GIT2: variants seen among roughly 807,000 people sequenced by gnomAD.
GIT2 encodes the protein ARF GTPase-activating protein GIT2.
In GIT2, 32 loss-of-function variants were observed where a neutral mutation model predicts 100.3. That is an observed-to-expected ratio of 0.32 (90% CI 0.24 to 0.43). The LOEUF (loss-of-function observed/expected upper bound fraction) is 0.43. Ranked by LOEUF, GIT2 falls within the 20% of genes least tolerant of loss-of-function variation. The pLI is 1.00. For missense variants in GIT2, 737 were observed against 975.1 expected, an observed-to-expected ratio of 0.76 and a Z score of 3.25; for synonymous variants, 353 against 364.1, an observed-to-expected ratio of 0.97 and a Z score of 0.35.
chr12:109,964,151 GAGTA>G (rs1881717191), intron 9 of GIT2, among the ~76,000 whole-genome samples: 1 of 152,114 alleles, frequency 6.6e-6, no homozygotes, highest in Non-Finnish European at 1.5e-5. Flanking sequence ...TACAGATTGT[GAGTA>G]ATTAAAAGGA....
At chr12:109,980,249 G>A (rs1315403799) in intron 7 of GIT2, among the ~76,000 whole-genome samples, 1 of 152,004 alleles carries the variant, frequency 6.6e-6, no homozygotes, top group African/African-American at 2.4e-5. Flanking sequence ...AAACTTTTTT[G>A]TGGAGACGGA....
At chr12:109,936,286 C>A (rs1872953155) in intron 18 of GIT2, among the ~76,000 whole-genome samples, 1 of 147,798 alleles carries the variant, frequency 6.8e-6, no homozygotes. Flanking sequence ...GAAATCAGAT[C>A]ATTATATGTG....
chr12:109,947,217 C>A lies in GIT2; in HGVS notation c.1641+39G>T. The A allele has an allele frequency of 6.3e-7, 1 of 1,588,784 alleles. No individual in the cohort carries two copies. ...AAGAGGGAACAGAGTAGACAGGCTG[C>A]ATAGAGTGAACAGCAGAAGCGCCAG... is the stretch of plus-strand genomic sequence containing the variant. On this transcript the variant is annotated intron_variant, in intron 15 of 19. Coordinates refer to ENST00000355312, the MANE Select transcript of GIT2 (RefSeq NM_057169.5). The surrounding 1 kb of genome is among the most constrained non-coding windows in gnomAD (Gnocchi z 4.3).
chr12:109,945,264 C>T lies in GIT2; in HGVS notation c.1727G>A (p.Arg576Gln), dbSNP rs763696895. ...ACCATTCAGAATGTACTTAACCCTT[C>T]GGGCGCTTTCGTCCCTCGACCAGGA... Reference protein sequence around the residue: ...TLSWSRDESARRASRLEKQNS... With the variant: ...TLSWSRDESAQRASRLEKQNS... Residue 576 changes from arginine (R) to glutamine (Q), a missense_variant, in exon 16 of 20, where the codon CGA becomes CAA. Arg to Gln is a conservative substitution (Grantham distance 43, BLOSUM62 1). This residue lies in a region of GIT2 where 451 missense variants were observed against 543.7 expected (regional missense o/e 0.83). Transcript: ENST00000355312. 8.0e-6 allele frequency: 12 copies of T among 1,506,758 alleles called. No homozygotes were observed. The South Asian group carries it at 9.0e-5, about 11-fold the overall frequency. 93.3% of individuals were successfully genotyped at this position (1,506,758 alleles called of 1,614,324 possible).
rs912237725 is a variant in GIT2 at position 109,947,263 on chromosome 12, G to C, written c.1634C>G (p.Pro545Arg). 6.2e-7 allele frequency: 1 copy of C among 1,613,068 alleles called. No homozygotes were observed. Among genetic ancestry groups the C allele is most frequent in the African/African-American group, 1.3e-5 (1 of 75,022 alleles). ...EESRMRLQPF[P>R]AHIGRSALVT... is the part of the protein sequence containing the mutation. ...GCCAGTGGTGTTACTTACGTGCGCGGGGAAGGGCTGGAGTCTCATCCTGCT... is the reference window on the plus strand; with the variant it reads ...GCCAGTGGTGTTACTTACGTGCGCGCGGAAGGGCTGGAGTCTCATCCTGCT... Residue 545 changes from proline (P) to arginine (R), a missense_variant, in exon 15 of 20, where the codon CCC becomes CGC. Physicochemically the swap from Pro to Arg is moderately radical, Grantham distance 103. Coordinates refer to ENST00000355312, the MANE Select transcript of GIT2 (RefSeq NM_057169.5). This position sits in a 1 kb window ranked among gnomAD's most constrained non-coding sequence, Gnocchi z 4.3.
chr12:109,933,813 C>G lies in GIT2; in HGVS notation c.2067+209G>C, dbSNP rs1466067364. On this transcript the variant is annotated intron_variant, in intron 19 of 19. Transcript: ENST00000355312. The surrounding 1 kb of genome is among the most constrained non-coding windows in gnomAD (Gnocchi z 4.5). ...ACAGGGTCTCTCCATGTTGGTCAGG[C>G]TGGCCTCGAACTCCCGACCTCAGGT... is the stretch of plus-strand genomic sequence containing the variant. 1 of 522,168 alleles carries G rather than the reference C, an allele frequency of 1.9e-6. No individual in the cohort carries two copies. The highest frequency in any genetic ancestry group is 3.5e-6 in the Non-Finnish European group (1 of 286,288). The allele number at this position is 522,168 out of a possible 1,614,324, so 32.3% of individuals were successfully genotyped here.
Position 109,967,453 on chromosome 12 carries a change from CT to C in GIT2, c.764+4del. ...CAAAACTAACTGGTATTTCAATGAG[CT>C]TACCTGTCTGCCATTTGAGGTATTA... On this transcript the variant is annotated splice_donor_region_variant and intron_variant, in intron 8 of 19. Transcript: ENST00000355312. 1 of 1,585,408 alleles carries C rather than the reference CT, an allele frequency of 6.3e-7. No individual in the cohort carries two copies. Among genetic ancestry groups the C allele is most frequent in the Non-Finnish European group, 8.7e-7 (1 of 1,154,070 alleles).
At chr12:109,977,870 A>G (rs1034335768) in intron 7 of GIT2, among the ~76,000 whole-genome samples, 1 of 152,180 alleles carries the variant, frequency 6.6e-6, no homozygotes, top group Middle Eastern at 3.4e-3. Flanking sequence ...ATGGTTTCTG[A>G]TAAGAAATCC....
At position 109,933,171 on chromosome 12, in the gene GIT2, A is replaced by C; in HGVS notation, c.2087T>G (p.Val696Gly). 6.4e-7 allele frequency: 1 copy of C among 1,559,700 alleles called. No homozygotes were observed. Among genetic ancestry groups the C allele is most frequent in the Non-Finnish European group, 8.7e-7 (1 of 1,149,234 alleles). Residue 696 changes from valine to glycine, a missense_variant, in exon 20 of 20, where the codon GTG becomes GGG. Transcript: ENST00000355312. The surrounding 1 kb of genome is among the most constrained non-coding windows in gnomAD (Gnocchi z 4.5). ...LFPKKPKSDM[V>G]RTSLRLLTSS... ...CGTCAGTAAACGAAGGGAAGTCCTC[A>C]CCATATCAGACTTGGGTTTCTAAAA...
chr12:109,939,015 T>C (rs916146920), intron 17 of GIT2, 150 bp downstream of exon 17: 13 of 636,110 alleles, frequency 2.0e-5, no homozygotes, highest in Non-Finnish European at 3.1e-5. Flanking sequence ...ACATGTAAAC[T>C]ACGAGCGTAT....
intron 4 of GIT2, 56 bp downstream of exon 4, chr12:109,988,906 TA>T: frequency 3.0e-6 from 2 of 662,574 alleles, no homozygotes; most frequent in Non-Finnish European, 4.7e-6. Context: ...TTTTTTCAAA[TA>T]AAACAATATG....
At chr12:109,958,248 A>G (rs751231438) in intron 12 of GIT2, among the ~76,000 whole-genome samples, 21 of 135,138 alleles carry the variant, frequency 1.6e-4, no homozygotes, top group South Asian at 4.6e-4. Flanking sequence ...CTGGCCCCCA[A>G]TTTTTTTTTT....
chr12:109,995,043 T>A (rs1306067836), intron 1 of GIT2, among the ~76,000 whole-genome samples: 1 of 152,196 alleles, frequency 6.6e-6, no homozygotes, highest in African/African-American at 2.4e-5. Context: ...AAGCTTAAGA[T>A]CAGAACAGTT....
intron 7 of GIT2, among the ~76,000 whole-genome samples, chr12:109,980,001 T>G (rs1885984663): frequency 6.6e-6 from 1 of 152,246 alleles, no homozygotes; most frequent in Non-Finnish European, 1.5e-5. Flanking sequence ...ACTCTGCTGT[T>G]GTTATGTGAA....
At chr12:109,999,694 C>T (rs1442536667), upstream of GIT2, 1 of 1,536,070 alleles carries the variant, frequency 6.5e-7, no homozygotes, top group Admixed American at 2.0e-5. This position sits in a 1 kb window ranked among gnomAD's most constrained non-coding sequence, Gnocchi z 4.3. Flanking sequence ...TCGCCATGTC[C>T]TCGGCCTGCG....
Position 109,952,964 on chromosome 12 carries a change from T to C in GIT2, c.1242+128A>G, listed in dbSNP as rs970799032. 7 of 832,216 alleles carry C rather than the reference T, an allele frequency of 8.4e-6. No homozygotes were observed. In the African/African-American group the frequency reaches 1.0e-4, roughly 12 times the overall value. The allele number at this position is 832,216 out of a possible 1,614,324, so 51.6% of individuals were successfully genotyped here. A position where few individuals can be genotyped will look rare whatever the true frequency, so the allele number is the denominator to read the frequency against. On this transcript the variant is annotated intron_variant, in intron 13 of 19. Transcript: ENST00000355312. Reference sequence around the variant, plus strand: ...GACAAGGATCCCTATTTTAAAACCATTTAACCTTGTTTCACCTTTGCTTGG... The same window carrying C: ...GACAAGGATCCCTATTTTAAAACCACTTAACCTTGTTTCACCTTTGCTTGG...
In GIT2 at chr12:109,945,325, A is replaced by G; in HGVS notation, c.1666T>C (p.Ser556Pro). 1 of 1,573,548 alleles carries G rather than the reference A, an allele frequency of 6.4e-7. No individual in the cohort carries two copies. The highest frequency in any genetic ancestry group is 8.7e-7 in the Non-Finnish European group (1 of 1,143,380). The change falls in exon 16 of 20, where the codon TCC (serine) becomes CCC (proline). Residue 556 changes from serine to proline, a missense_variant. Ser to Pro is a moderately conservative substitution (Grantham distance 74). This residue lies in a region of GIT2 where 451 missense variants were observed against 543.7 expected (regional missense o/e 0.83). Transcript: ENST00000355312. ...AHIGRSALVTSSSSLPSFPST... is the reference protein window; with the variant it reads ...AHIGRSALVTPSSSLPSFPST... ...GGGAAGGAAGGCAGAGATGAAGAGG[A>G]GGTCACAAGTGCACTCCTCCCGATC...
chr12:109,986,002 C>T (rs1887306234), intron 4 of GIT2, among the ~76,000 whole-genome samples: 5 of 151,586 alleles, frequency 3.3e-5, no homozygotes, highest in Admixed American at 3.3e-4. Flanking sequence ...CACGACACTC[C>T]AGCCTGGGCA....
At chr12:109,939,401 A>T in intron 16 of GIT2, 154 bp from the exon 17 acceptor site, 1 of 558,160 alleles carries the variant, frequency 1.8e-6, no homozygotes. Flanking sequence ...TTAGTAAAAG[A>T]TGAATATTGG....
Sources: gnomAD v4.1 joint callset for allele counts (sites outside exome capture counted in the v4.1 genomes callset) on GRCh38, gnomAD v4.1.1 for gene constraint, gnomAD v4.1.1 regional missense constraint, Gnocchi (gnomAD v3.1) non-coding constraint, MANE v1.5 for transcripts, NCBI Gene and HGNC (gene_info 2026-07-23, HGNC 2026-07-21) for gene names.